The following SUB1 variants were observed in gnomAD, a reference collection of about 807,000 sequenced individuals.
SUB1 encodes activated RNA polymerase II transcriptional coactivator p15.
In SUB1, 1 loss-of-function variant was observed where a neutral mutation model predicts 16.9. That is an observed-to-expected ratio of 0.06 (90% CI 0.02 to 0.28). SUB1 has a LOEUF of 0.28. SUB1 is among the 10% of genes least tolerant of loss of function. SUB1 has a pLI of 1.00. For synonymous variants in SUB1, 51 were observed against 46.9 expected (o/e 1.09, Z -0.36); for missense variants, 84 against 145.2 (o/e 0.58, Z 2.16).
rs912445749 is a variant in SUB1 at position 32,603,516 on chromosome 5, T to C, written c.*2432T>C. On this transcript the variant is annotated 3_prime_UTR_variant, in exon 5 of 5. Transcript: ENST00000265073. Reference sequence around the variant, plus strand: ...AGCATTTGACCAATTTCCAGTGCTCTTAGCATTTTACTTAAAGAACAACCA... The same window carrying C: ...AGCATTTGACCAATTTCCAGTGCTCCTAGCATTTTACTTAAAGAACAACCA... 15 of 152,224 alleles carry C rather than the reference T, an allele frequency of 9.9e-5. No individual in the cohort carries two copies. Among genetic ancestry groups the C allele is most frequent in the Admixed American group, 2.6e-4 (4 of 15,284 alleles). The allele number at this position is 152,224 out of a possible 1,614,324, so 9.4% of individuals were successfully genotyped here. A position where few individuals can be genotyped will look rare whatever the true frequency, so the allele number is the denominator to read the frequency against.
intron 2 of SUB1, 55 bp from the exon 3 acceptor site, chr5:32,591,508 C>T (rs1738824036): frequency 1.3e-6 from 2 of 1,524,258 alleles, no homozygotes; most frequent in African/African-American, 1.4e-5. Context: ...GATCTTTTGA[C>T]ACTGGGGTAT....
chr5:32,592,830 C>A (rs1215501119), intron 3 of SUB1, among the ~76,000 whole-genome samples: 6 of 151,834 alleles, frequency 4.0e-5, no homozygotes, highest in African/African-American at 1.5e-4. Flanking sequence ...AGAGGAAGAA[C>A]AGGAAGCAGA....
Position 32,585,609 on chromosome 5 carries a change from C to G in SUB1, c.-18C>G, listed in dbSNP as rs1431106206. 1 of 152,282 alleles carries G rather than the reference C, an allele frequency of 6.6e-6. No homozygotes were observed. Among genetic ancestry groups the G allele is most frequent in the South Asian group, 2.1e-4 (1 of 4,838 alleles). 9.4% of individuals were successfully genotyped at this position (152,282 alleles called of 1,614,324 possible). ...GAACGACCAAGAGGGTGTTCGACTG[C>G]TAGAGCCGAGCGAAGCGTGAGTGCG... is the stretch of plus-strand genomic sequence containing the variant. On this transcript the variant is annotated 5_prime_UTR_variant, in exon 1 of 5. Transcript: ENST00000265073.
chr5:32,601,256 C>T lies in SUB1; in HGVS notation c.*172C>T, dbSNP rs1337886528. 3.3e-5 allele frequency: 19 copies of T among 569,294 alleles called. No homozygotes were observed. Among genetic ancestry groups the T allele is most frequent in the Non-Finnish European group, 9.3e-6 (3 of 323,334 alleles). The allele number at this position is 569,294 out of a possible 1,614,324, so 35.3% of individuals were successfully genotyped here. On this transcript the variant is annotated 3_prime_UTR_variant, in exon 5 of 5. Transcript: ENST00000265073. ...GCATTATTAAAAATATTGAGTGAAG[C>T]TAATTGTCAACTTTATTAAGGATTA...
chr5:32,598,705 T>C, intron 3 of SUB1: 1 of 305,322 alleles, frequency 3.3e-6, no homozygotes, highest in Non-Finnish European at 6.0e-6. Flanking sequence ...TTTTCGTTAT[T>C]TCTAGGCTAT....
At chr5:32,588,022 C>T (rs932351861) in intron 1 of SUB1, among the ~76,000 whole-genome samples, 5 of 152,160 alleles carry the variant, frequency 3.3e-5, no homozygotes, top group African/African-American at 1.2e-4. Context: ...TTAGATGTCA[C>T]ATTTGCATAG....
chr5:32,593,779 C>T (rs919232134), intron 3 of SUB1, among the ~76,000 whole-genome samples: 4 of 152,080 alleles, frequency 2.6e-5, no homozygotes, highest in East Asian at 3.9e-4. Flanking sequence ...CTGCAACCTC[C>T]GCCTCCTGGG....
rs148378041 is a variant in SUB1 at position 32,586,717 on chromosome 5, TATTA to T, written c.-2+1097_-2+1100del. 3.4e-3 allele frequency among the ~76,000 whole-genome samples: 520 copies of T among 152,352 alleles called. 4 individuals carry two copies. Among genetic ancestry groups the T allele is most frequent in the African/African-American group, 5.5e-3 (229 of 41,592 alleles). On this transcript the variant is annotated intron_variant, in intron 1 of 4. Coordinates refer to ENST00000265073, the MANE Select transcript of SUB1 (RefSeq NM_006713.4). ...CTTTTTAAAAAATATCTTTTTGTCG[TATTA>T]ATTAGCATAAAAAACTTAACTAAAT... is the stretch of plus-strand genomic sequence containing the variant.
chr5:32,588,618 A>T lies in SUB1; in HGVS notation c.72+34A>T, dbSNP rs770843655. 38 of 1,590,764 alleles carry T rather than the reference A, an allele frequency of 2.4e-5. No individual in the cohort carries two copies. The South Asian group carries it at 4.0e-4, about 17-fold the overall frequency. On this transcript the variant is annotated intron_variant, in intron 2 of 4. Coordinates refer to ENST00000265073, the MANE Select transcript of SUB1 (RefSeq NM_006713.4). The stretch of plus-strand genomic sequence containing the variant: ...TGCTGCACCAAGTCATTTTGGTGAT[A>T]CTCAACAATATTGTCCATATCCCAT...
intron 2 of SUB1, 53 bp downstream of exon 2, chr5:32,588,637 A>C: frequency 1.3e-6 from 2 of 1,536,404 alleles, no homozygotes; most frequent in Non-Finnish European, 1.8e-6. Context: ...TATTGTCCAT[A>C]TCCCATTCTG....
intron 4 of SUB1, 139 bp downstream of exon 4, chr5:32,599,208 T>G: frequency 1.5e-6 from 1 of 652,870 alleles, no homozygotes; most frequent in Non-Finnish European, 2.6e-6. Flanking sequence ...TCTGTAGTTA[T>G]TTTGGACATG....
chr5:32,595,282 A>G (rs1157528243), intron 3 of SUB1: 1 of 152,146 alleles, frequency 6.6e-6, no homozygotes, highest in East Asian at 1.9e-4. Context: ...GTAAATGTAC[A>G]CGCCTTTGTG....
intron 4 of SUB1, among the ~76,000 whole-genome samples, chr5:32,600,446 CTTAT>C (rs1456109824): frequency 3.9e-5 from 6 of 152,296 alleles, no homozygotes; most frequent in Non-Finnish European, 8.8e-5. Flanking sequence ...TCTTCAAACC[CTTAT>C]TTATTCTCAT....
Position 32,592,307 on chromosome 5 carries a change from CAGGA to C in SUB1, c.195+625_195+628del, listed in dbSNP as rs572431344. Reference sequence around the variant, plus strand: ...AAAGTATGAATAGATTATTATGGGACAGGAAGCAGCAATGTGACATGCCTAATTT... The same window carrying C: ...AAAGTATGAATAGATTATTATGGGACAGCAGCAATGTGACATGCCTAATTT... On this transcript the variant is annotated intron_variant, in intron 3 of 4. Coordinates refer to ENST00000265073, the MANE Select transcript of SUB1 (RefSeq NM_006713.4). 2.6e-3 allele frequency among the ~76,000 whole-genome samples: 395 copies of C among 152,236 alleles called. 1 individual carries two copies. The highest frequency in any genetic ancestry group is 9.2e-3 in the African/African-American group (383 of 41,522).
At chr5:32,591,496 G>A in intron 2 of SUB1, 67 bp from the exon 3 acceptor site, 1 of 1,489,664 alleles carries the variant, frequency 6.7e-7, no homozygotes. Flanking sequence ...AAAAAGTAAT[G>A]GGATCTTTTG....
In SUB1 at chr5:32,602,532, T is replaced by G. The variant is rs1739141165; in HGVS notation, c.*1448T>G. On this transcript the variant is annotated 3_prime_UTR_variant, in exon 5 of 5. Coordinates refer to ENST00000265073, the MANE Select transcript of SUB1 (RefSeq NM_006713.4). The stretch of plus-strand genomic sequence containing the variant: ...GTTTTGCACTATTTTGCTACCAAGT[T>G]TGATTCATACATCTAAAACATTTTG... The G allele has an allele frequency of 5.8e-6, 1 of 171,496 alleles. No individual in the cohort carries two copies. The highest frequency in any genetic ancestry group is 2.4e-5 in the African/African-American group (1 of 41,842). 10.6% of individuals were successfully genotyped at this position (171,496 alleles called of 1,614,324 possible). A position where few individuals can be genotyped will look rare whatever the true frequency, so the allele number is the denominator to read the frequency against.
At chr5:32,600,678 A>C (rs1326668066) in intron 4 of SUB1, among the ~76,000 whole-genome samples, 1 of 150,546 alleles carries the variant, frequency 6.6e-6, no homozygotes, top group African/African-American at 2.5e-5. Context: ...ATCTTGGCTC[A>C]CTGTAACTTC....
chr5:32,599,426 G>A (rs1322634080), intron 4 of SUB1, among the ~76,000 whole-genome samples: 1 of 152,186 alleles, frequency 6.6e-6, no homozygotes, highest in Non-Finnish European at 1.5e-5. Context: ...GCTTCCTTTT[G>A]ATTCAGCTCC....
chr5:32,589,444 T>G (rs1738761306), intron 2 of SUB1, among the ~76,000 whole-genome samples: 1 of 152,150 alleles, frequency 6.6e-6, no homozygotes, highest in Non-Finnish European at 1.5e-5. Context: ...GCACATAAGG[T>G]TTTCTGAATT....
Sources: gnomAD v4.1 joint callset for allele counts (sites outside exome capture counted in the v4.1 genomes callset) on GRCh38, gnomAD v4.1.1 for gene constraint, MANE v1.5 for transcripts, NCBI Gene and HGNC (gene_info 2026-07-23, HGNC 2026-07-21) for gene names.